Variants in ATP8A2 observed in about 807,000 individuals in gnomAD.
ATP8A2 encodes the protein ATPase phospholipid transporting 8A2, also known as phospholipid-transporting ATPase IB.
In ATP8A2, 100 loss-of-function variants were observed where a neutral mutation model predicts 165.6. The observed-to-expected ratio is 0.60, with a 90% confidence interval of 0.51 to 0.71. ATP8A2 has a LOEUF of 0.71. Ranked by LOEUF, ATP8A2 falls within the 30% of genes least tolerant of loss-of-function variation. The pLI is 0.00. For synonymous variants in ATP8A2, 543 were observed against 548.8 expected (o/e 0.99, Z 0.15); for missense variants, 1,227 against 1,479.5 (o/e 0.83, Z 2.80).
At chr13:25,716,807 G>A (rs971760968) in intron 25 of ATP8A2, among the ~76,000 whole-genome samples, 1 of 152,140 alleles carries the variant, frequency 6.6e-6, no homozygotes, top group Non-Finnish European at 1.5e-5. Context: ...TGGCACTGAG[G>A]ATGAGGGATA....
At position 25,907,624 on chromosome 13, in the gene ATP8A2, G is replaced by A. The variant is rs748929054; in HGVS notation, c.3183+45216G>A. Among the ~76,000 whole-genome samples, 18 of 152,260 alleles carry A rather than the reference G, an allele frequency of 1.2e-4. No homozygotes were observed. The East Asian group carries it at 1.9e-3, about 16-fold the overall frequency. ...AGGGTCCTTTCAACTGTAAAACAGC[G>A]TTGATGACATTTTCTGAAGACAAAC... On this transcript the variant is annotated intron_variant, in intron 33 of 36. Transcript: ENST00000381655.
intron 35 of ATP8A2, among the ~76,000 whole-genome samples, chr13:25,971,772 A>G (rs919720238): frequency 3.9e-5 from 6 of 152,064 alleles, no homozygotes; most frequent in Admixed American, 3.3e-4. Flanking sequence ...TTGAGAGTAC[A>G]GCTAACATAG....
At chr13:25,586,421 A>G (rs2039923755) in intron 23 of ATP8A2, among the ~76,000 whole-genome samples, 1 of 152,166 alleles carries the variant, frequency 6.6e-6, no homozygotes, top group African/African-American at 2.4e-5. Context: ...AGGGTTCCTG[A>G]GAAGGGCCTG....
intron 33 of ATP8A2, among the ~76,000 whole-genome samples, chr13:25,888,198 G>A (rs1315067735): frequency 6.6e-6 from 1 of 151,896 alleles, no homozygotes; most frequent in Admixed American, 6.6e-5. Flanking sequence ...AGGATGCTTG[G>A]ATAATTCAAT....
intron 25 of ATP8A2, among the ~76,000 whole-genome samples, chr13:25,756,774 G>A (rs191134122): frequency 2.6e-5 from 4 of 152,226 alleles, no homozygotes. Context: ...TGGTATGTGC[G>A]AAATCAGCAC....
At chr13:25,425,331 A>AC (rs1388680781) in intron 1 of ATP8A2, among the ~76,000 whole-genome samples, 1 of 151,102 alleles carries the variant, frequency 6.6e-6, no homozygotes, top group Non-Finnish European at 1.5e-5. Context: ...TCCCCCCAGC[A>AC]CCCCCCAATG....
chr13:25,648,401 C>G (rs937410234), intron 24 of ATP8A2, among the ~76,000 whole-genome samples: 1 of 152,128 alleles, frequency 6.6e-6, no homozygotes, highest in African/African-American at 2.4e-5. Context: ...TGTGGTGACT[C>G]ACGCCAGTAA....
At chr13:25,860,351 T>C in intron 31 of ATP8A2, 95 bp downstream of exon 31, 3 of 655,554 alleles carry the variant, frequency 4.6e-6, no homozygotes, top group Non-Finnish European at 2.6e-6. Flanking sequence ...TCATTATTAT[T>C]ATTTATTTCA....
At chr13:25,842,018 G>A (rs1593433939) in intron 30 of ATP8A2, among the ~76,000 whole-genome samples, 1 of 152,172 alleles carries the variant, frequency 6.6e-6, no homozygotes. Flanking sequence ...ACAGCTCCCA[G>A]CACCACTGCA....
At chr13:25,919,882 G>A (rs376987447) in intron 33 of ATP8A2, among the ~76,000 whole-genome samples, 20 of 152,100 alleles carry the variant, frequency 1.3e-4, no homozygotes, top group East Asian at 5.8e-4. Flanking sequence ...GAACTCCCAC[G>A]CTCAGGCAGT....
intron 1 of ATP8A2, among the ~76,000 whole-genome samples, chr13:25,417,630 C>T (rs73469786): frequency 0.042 from 6,444 of 152,210 alleles, 449 homozygotes; most frequent in African/African-American, 0.15. Context: ...TCTGAAACTT[C>T]GGTGCGTAGG....
intron 27 of ATP8A2, among the ~76,000 whole-genome samples, chr13:25,791,651 C>T (rs1157837916): frequency 6.6e-6 from 1 of 152,010 alleles, no homozygotes; most frequent in Non-Finnish European, 1.5e-5. Flanking sequence ...TGGTTTCTCT[C>T]CTCCCAGAAC....
chr13:25,799,438 A>G (rs1312327803), intron 27 of ATP8A2, among the ~76,000 whole-genome samples: 2 of 152,202 alleles, frequency 1.3e-5, no homozygotes, highest in African/African-American at 2.4e-5. Flanking sequence ...CCAGAACATC[A>G]TATTTTTAAC....
chr13:25,662,075 T>C (rs2042062346), intron 24 of ATP8A2, among the ~76,000 whole-genome samples: 1 of 152,176 alleles, frequency 6.6e-6, no homozygotes, highest in Admixed American at 6.5e-5. Context: ...AGGAGCAAAT[T>C]ACCTAAGCTG....
intron 33 of ATP8A2, among the ~76,000 whole-genome samples, chr13:25,941,705 A>T (rs965725008): frequency 6.6e-6 from 1 of 152,130 alleles, no homozygotes; most frequent in African/African-American, 2.4e-5. Flanking sequence ...GCCTGTGTCC[A>T]TTCTTTAAAC....
Position 25,372,416 on chromosome 13 carries a change from G to T in ATP8A2, c.76+128G>T. 1 of 649,826 alleles carries T rather than the reference G, an allele frequency of 1.5e-6. No homozygotes were observed. The highest frequency in any genetic ancestry group is 2.2e-6 in the Non-Finnish European group (1 of 454,268). The allele number at this position is 649,826 out of a possible 1,614,324, so 40.3% of individuals were successfully genotyped here. On this transcript the variant is annotated intron_variant, in intron 1 of 36. Coordinates refer to ENST00000381655, the MANE Select transcript of ATP8A2 (RefSeq NM_016529.6). The surrounding 1 kb of genome is among the most constrained non-coding windows in gnomAD (Gnocchi z 4.8). ...CTCCCTGGGCTCCCTGGGCTCTCTGGGCTGCAGGATCCGCCGACGCGGCGC... is the reference window on the plus strand; with the variant it reads ...CTCCCTGGGCTCCCTGGGCTCTCTGTGCTGCAGGATCCGCCGACGCGGCGC...
chr13:25,454,684 G>A (rs543486127), intron 1 of ATP8A2, among the ~76,000 whole-genome samples: 20 of 152,306 alleles, frequency 1.3e-4, no homozygotes, highest in African/African-American at 4.1e-4. Context: ...AGCACTTTGG[G>A]AGGCCGAGGT....
chr13:25,823,468 C>T (rs1951231199), intron 27 of ATP8A2, among the ~76,000 whole-genome samples: 1 of 152,036 alleles, frequency 6.6e-6, no homozygotes, highest in Non-Finnish European at 1.5e-5. Context: ...TTACTTCTGT[C>T]ATCACATTTT....
intron 1 of ATP8A2, among the ~76,000 whole-genome samples, chr13:25,421,817 A>G (rs2034308222): frequency 6.6e-6 from 1 of 152,190 alleles, no homozygotes; most frequent in South Asian, 2.1e-4. Context: ...AGATGAAGCA[A>G]CCGTGTGTAT....
Sources: gnomAD v4.1 joint callset for allele counts (sites outside exome capture counted in the v4.1 genomes callset) on GRCh38, gnomAD v4.1.1 for gene constraint, Gnocchi (gnomAD v3.1) non-coding constraint, MANE v1.5 for transcripts, NCBI Gene and HGNC (gene_info 2026-07-23, HGNC 2026-07-21) for gene names.